The following CDH2 variants were observed in gnomAD, a reference collection of about 807,000 sequenced individuals.
CDH2 encodes cadherin 2, also known as cadherin-2.
In CDH2, 17 loss-of-function variants were observed where a neutral mutation model predicts 92.0. The ratio of observed to expected loss-of-function variants is 0.18; its 90% CI spans 0.13 to 0.28. The LOEUF is 0.28. CDH2 is among the 10% of genes least tolerant of loss of function. The pLI is 1.00. For missense variants in CDH2, 862 were observed against 1,133.1 expected, an observed-to-expected ratio of 0.76 and a Z score of 3.44; for synonymous variants, 419 against 415.9, an observed-to-expected ratio of 1.01 and a Z score of -0.09.
At chr18:28,030,219 A>C (rs1247513207) in intron 2 of CDH2, among the ~76,000 whole-genome samples, 2 of 152,128 alleles carry the variant, frequency 1.3e-5, no homozygotes, top group South Asian at 2.1e-4. Flanking sequence ...GACTTCCATA[A>C]GCATAAAAGT....
chr18:28,159,027 T>C (rs1245419881), intron 1 of CDH2: 1 of 152,226 alleles, frequency 6.6e-6, no homozygotes, highest in African/African-American at 2.4e-5. Context: ...CAGCAATAGA[T>C]ATTATCTACA....
intron 2 of CDH2, among the ~76,000 whole-genome samples, chr18:28,025,343 C>T (rs1195895797): frequency 2.0e-5 from 3 of 151,898 alleles, no homozygotes; most frequent in African/African-American, 7.3e-5. Flanking sequence ...TATGGTGAAA[C>T]CCAGTTTCTA....
chr18:27,981,024 G>A (rs1307810614), intron 14 of CDH2, among the ~76,000 whole-genome samples: 1 of 152,076 alleles, frequency 6.6e-6, no homozygotes, highest in East Asian at 1.9e-4. Flanking sequence ...GGACTGGTGG[G>A]GAAAGGAGAG....
Position 28,009,638 on chromosome 18 carries a change from T to A in CDH2, c.702+79A>T, listed in dbSNP as rs981211474. ...ACTCTCAGTATTGAGGCTTTCAGAC[T>A]GATATAAGAGGCAATGGTAAACTCT... On this transcript the variant is annotated intron_variant, in intron 5 of 15. Transcript: ENST00000269141. The A allele has an allele frequency of 2.4e-6, 3 of 1,259,434 alleles. No individual in the cohort carries two copies. The African/African-American group carries it at 4.5e-5, about 19-fold the overall frequency. The allele number at this position is 1,259,434 out of a possible 1,614,324, so 78.0% of individuals were successfully genotyped here.
intron 2 of CDH2, among the ~76,000 whole-genome samples, chr18:28,135,701 A>G (rs1376015381): frequency 6.6e-6 from 1 of 152,242 alleles, no homozygotes; most frequent in African/African-American, 2.4e-5. Context: ...AACTGAAGGA[A>G]TAATTGCATA....
Position 28,093,608 on chromosome 18 carries a change from T to G in CDH2, c.172+54065A>C, listed in dbSNP as rs181205175. Among the ~76,000 whole-genome samples, 3 of 152,166 alleles carry G rather than the reference T, an allele frequency of 2.0e-5. No individual in the cohort carries two copies. The East Asian group carries it at 5.8e-4, about 29-fold the overall frequency. Reference sequence around the variant, plus strand: ...AAACAAAACAAAACACATTAGGATGTTCTCAAAACCAACAAAAAATTTAGC... The same window carrying G: ...AAACAAAACAAAACACATTAGGATGGTCTCAAAACCAACAAAAAATTTAGC... On this transcript the variant is annotated intron_variant, in intron 2 of 15. Transcript: ENST00000269141.
chr18:28,051,572 A>G (rs935841891), intron 2 of CDH2, among the ~76,000 whole-genome samples: 1 of 152,194 alleles, frequency 6.6e-6, no homozygotes, highest in Non-Finnish European at 1.5e-5. Context: ...TTTAAAATTA[A>G]GATATTAAAT....
intron 4 of CDH2, among the ~76,000 whole-genome samples, chr18:28,010,667 G>GT (rs2013069829): frequency 2.0e-5 from 3 of 150,282 alleles, no homozygotes; most frequent in Non-Finnish European, 4.4e-5. Flanking sequence ...ATAAAATCTA[G>GT]GTTTTTTTTT....
rs182722375 is a variant in CDH2, at chr18:28,111,333, C to T, written c.172+36340G>A. Among the ~76,000 whole-genome samples the T allele has an allele frequency of 1.0e-3, 154 of 152,274 alleles. 1 individual carries two copies. Among genetic ancestry groups the T allele is most frequent in the African/African-American group, 3.5e-3 (146 of 41,542 alleles). ...CATACGTGACCCCAATCCCAAACCC[C>T]CAAGCAATGAAATTTCATCTGGATT... On this transcript the variant is annotated intron_variant, in intron 2 of 15. Transcript: ENST00000269141.
intron 14 of CDH2, among the ~76,000 whole-genome samples, chr18:27,981,629 G>A (rs1288770358): frequency 6.6e-6 from 1 of 152,036 alleles, no homozygotes; most frequent in Non-Finnish European, 1.5e-5. Flanking sequence ...AACTCTAAGG[G>A]GCTGCCACAA....
chr18:28,023,278 C>T (rs887318229), intron 2 of CDH2, among the ~76,000 whole-genome samples: 3 of 152,112 alleles, frequency 2.0e-5, no homozygotes, highest in Admixed American at 6.6e-5. Context: ...GCCTTTATAG[C>T]TTCATGCCAC....
Position 27,952,289 on chromosome 18 carries a change from C to T in CDH2, c.2585G>A (p.Gly862Asp). Reference sequence around the variant, plus strand: ...CAAGGACCCAGCAGTGGAGCCACTGCCTTCATAGTCAAACACTAACAGGGA... The same window carrying T: ...CAAGGACCCAGCAGTGGAGCCACTGTCTTCATAGTCAAACACTAACAGGGA... ...YDSLLVFDYE[G>D]SGSTAGSLSS... Residue 862 changes from glycine to aspartate, a missense_variant, in exon 16 of 16, where the codon GGC (glycine) becomes GAC (aspartate). Gly to Asp is a moderately conservative substitution (Grantham distance 94). This residue lies in a region of CDH2 where 114 missense variants were observed against 144.8 expected (regional missense o/e 0.79). Coordinates refer to ENST00000269141, the MANE Select transcript of CDH2 (RefSeq NM_001792.5). 6.2e-7 allele frequency: 1 copy of T among 1,613,586 alleles called. No homozygotes were observed. The highest frequency in any genetic ancestry group is 8.5e-7 in the Non-Finnish European group (1 of 1,179,692).
intron 1 of CDH2, among the ~76,000 whole-genome samples, chr18:28,152,742 C>A (rs1053614638): frequency 2.0e-5 from 3 of 152,154 alleles, no homozygotes; most frequent in Non-Finnish European, 4.4e-5. Context: ...CCGAATGCAT[C>A]TGACAGAGAA....
At chr18:28,011,032 T>C (rs2013083901) in intron 4 of CDH2, among the ~76,000 whole-genome samples, 1 of 151,854 alleles carries the variant, frequency 6.6e-6, no homozygotes, top group African/African-American at 2.4e-5. Flanking sequence ...AGAGTTACAT[T>C]CTTTGTTAAA....
At chr18:28,004,476 A>C (rs1244269851) in intron 6 of CDH2, among the ~76,000 whole-genome samples, 1 of 152,252 alleles carries the variant, frequency 6.6e-6, no homozygotes, top group African/African-American at 2.4e-5. Flanking sequence ...GTCTACTTCT[A>C]GCAATAGCTG....
chr18:27,966,430 T>C (rs1028951709), intron 14 of CDH2, among the ~76,000 whole-genome samples: 1 of 152,234 alleles, frequency 6.6e-6, no homozygotes, highest in Admixed American at 6.5e-5. Context: ...GCTTTGCTCA[T>C]GCTACTCCCT....
chr18:28,147,869 C>T (rs1598508350), intron 1 of CDH2, 85 bp from the exon 2 acceptor site: 2 of 752,274 alleles, frequency 2.7e-6, no homozygotes, highest in East Asian at 5.0e-5. Flanking sequence ...CATAAAGCCT[C>T]ATTTTTTCAA....
intron 2 of CDH2, among the ~76,000 whole-genome samples, chr18:28,131,181 T>G (rs2015763346): frequency 6.6e-6 from 1 of 152,152 alleles, no homozygotes; most frequent in Non-Finnish European, 1.5e-5. Context: ...TATAATTCCC[T>G]TAGAAGTTTC....
intron 2 of CDH2, among the ~76,000 whole-genome samples, chr18:28,139,572 A>C (rs1207607417): frequency 6.6e-6 from 1 of 151,954 alleles, no homozygotes; most frequent in Non-Finnish European, 1.5e-5. Flanking sequence ...GTGACTTCTC[A>C]GTCCTCATCT....
Sources: allele counts gnomAD v4.1 joint callset (sites outside exome capture counted in the v4.1 genomes callset), GRCh38; gene constraint gnomAD v4.1.1; regional missense constraint gnomAD v4.1.1; transcripts MANE v1.5; gene names NCBI Gene and HGNC (gene_info 2026-07-23, HGNC 2026-07-21).